Variants in KCNN3 observed in about 807,000 individuals in gnomAD.
The protein encoded by KCNN3 is small conductance calcium-activated potassium channel protein 3.
KCNN3 carries 16 observed loss-of-function variants against 62.9 expected under a neutral mutation model. The observed-to-expected ratio is 0.25, with a 90% CI of 0.17 to 0.39. The LOEUF (loss-of-function observed/expected upper bound fraction) is 0.39, where lower values mean the gene tolerates loss of function less well. Ranked by LOEUF, KCNN3 falls within the 10% of genes least tolerant of loss-of-function variation. KCNN3 has a pLI of 1.00. For missense variants in KCNN3, 599 were observed against 949.4 expected, an observed-to-expected ratio of 0.63 and a Z score of 4.85; for synonymous variants, 370 against 389.2, an observed-to-expected ratio of 0.95 and a Z score of 0.58.
chr1:154,808,588 G>A (rs1458978553), intron 2 of KCNN3, among the ~76,000 whole-genome samples: 5 of 152,062 alleles, frequency 3.3e-5, no homozygotes, highest in South Asian at 4.2e-4. Context: ...CTGTCCCCAC[G>A]GTGCCTGGCT....
intron 2 of KCNN3, among the ~76,000 whole-genome samples, chr1:154,792,170 A>G (rs1649546504): frequency 6.6e-6 from 1 of 152,238 alleles, no homozygotes; most frequent in African/African-American, 2.4e-5. Context: ...GAGTGCCACG[A>G]TGCTGCTTTG....
chr1:154,865,707 G>T, intron 1 of KCNN3, among the ~76,000 whole-genome samples: 1 of 152,082 alleles, frequency 6.6e-6, no homozygotes, highest in Non-Finnish European at 1.5e-5. Flanking sequence ...TGCATGACAA[G>T]TTACTTCCCC....
chr1:154,859,607 G>T, intron 1 of KCNN3: 1 of 1,317,878 alleles, frequency 7.6e-7, no homozygotes, highest in Non-Finnish European at 1.1e-6. Context: ...GCCACTGACA[G>T]GTCAGCAAGG....
intron 3 of KCNN3, among the ~76,000 whole-genome samples, chr1:154,756,358 C>T (rs1647711348): frequency 6.6e-6 from 1 of 152,122 alleles, no homozygotes; most frequent in African/African-American, 2.4e-5. Context: ...GAAGAAACAA[C>T]AAGTAAATAA....
At position 154,811,167 on chromosome 1, in the gene KCNN3, C is replaced by A. The variant is rs115470763; in HGVS notation, c.1029+10922G>T. On this transcript the variant is annotated intron_variant, in intron 2 of 7. Transcript: ENST00000271915. The stretch of plus-strand genomic sequence containing the variant: ...CAATCGAAACTTGGAATCAGAACCC[C>A]GGCCCGTGACGTTAGGGCGATGGGA... Among the ~76,000 whole-genome samples the A allele has an allele frequency of 3.7e-3, 561 of 152,270 alleles. 3 individuals are homozygous for A. The highest frequency in any genetic ancestry group is 6.5e-3 in the Non-Finnish European group (443 of 68,024).
chr1:154,728,574 T>C (rs1435283733), intron 4 of KCNN3, among the ~76,000 whole-genome samples: 3 of 145,116 alleles, frequency 2.1e-5, no homozygotes, highest in African/African-American at 5.2e-5. Flanking sequence ...CTGTGCGGGG[T>C]GCGGGGCGGG....
At chr1:154,795,314 G>A (rs561762470) in intron 2 of KCNN3, among the ~76,000 whole-genome samples, 2 of 152,306 alleles carry the variant, frequency 1.3e-5, no homozygotes, top group South Asian at 2.1e-4. Context: ...TCACCCATTG[G>A]TAGGCTGACT....
At chr1:154,759,468 T>A (rs1383822542) in intron 3 of KCNN3, among the ~76,000 whole-genome samples, 1 of 152,220 alleles carries the variant, frequency 6.6e-6, no homozygotes, top group Non-Finnish European at 1.5e-5. Flanking sequence ...CTGACGTCAC[T>A]TACAGGAACC....
chr1:154,716,997 G>T (rs764831694), intron 5 of KCNN3, among the ~76,000 whole-genome samples: 2 of 152,238 alleles, frequency 1.3e-5, no homozygotes, highest in Admixed American at 6.5e-5. Context: ...AAACTGGAAA[G>T]TCTGCAGGTG....
chr1:154,772,013 C>T lies in KCNN3; in HGVS notation c.1410G>A (p.Leu470=), dbSNP rs746274298. 5 of 1,613,994 alleles carry T rather than the reference C, an allele frequency of 3.1e-6. No homozygotes were observed. The African/African-American group carries it at 4.0e-5, about 13-fold the overall frequency. ...GGACGGTCCAGGCAGCAATGATCCA[C>T]AGAGAGATGCTGAACACGAGCAGCA... is the stretch of plus-strand genomic sequence containing the variant. ...GTVLLVFSIS[L]WIIAAWTVRV... is the part of the protein sequence containing the mutation. The change falls in exon 3 of 8, where the codon CTG becomes CTA. Residue 470 remains leucine (L), a synonymous_variant. Transcript: ENST00000271915. This position sits in a 1 kb window ranked among gnomAD's most constrained non-coding sequence, Gnocchi z 5.6.
chr1:154,759,737 T>C (rs964763886), intron 3 of KCNN3, among the ~76,000 whole-genome samples: 3 of 152,136 alleles, frequency 2.0e-5, no homozygotes, highest in Admixed American at 2.0e-4. Flanking sequence ...GCAAAAATCC[T>C]GGAGACAAAA....
chr1:154,744,406 T>G (rs1700894435), intron 3 of KCNN3, among the ~76,000 whole-genome samples: 1 of 152,196 alleles, frequency 6.6e-6, no homozygotes, highest in Non-Finnish European at 1.5e-5. Context: ...AAACCTGTAT[T>G]TTTTCGGCTG....
rs185537227 is a variant in KCNN3, at chr1:154,784,024, T to A, written c.1030-11631A>T. On this transcript the variant is annotated intron_variant, in intron 2 of 7. Transcript: ENST00000271915. ...TCAGCAGAAAGAGTTTGGCATCAGA[T>A]GAGCTGTCAAGAGAGAAATGGAAGT... Among the ~76,000 whole-genome samples the A allele has an allele frequency of 2.6e-5, 4 of 152,224 alleles. No individual in the cohort carries two copies. The East Asian group carries it at 5.8e-4, about 22-fold the overall frequency.
At chr1:154,857,982 G>A (rs1652605651) in intron 1 of KCNN3, among the ~76,000 whole-genome samples, 1 of 152,098 alleles carries the variant, frequency 6.6e-6, no homozygotes, top group Non-Finnish European at 1.5e-5. Flanking sequence ...CTTTCTATAT[G>A]ATCCCGTCCA....
At chr1:154,820,855 C>A (rs1348722127) in intron 2 of KCNN3, among the ~76,000 whole-genome samples, 1 of 152,212 alleles carries the variant, frequency 6.6e-6, no homozygotes, top group Non-Finnish European at 1.5e-5. Context: ...GGCCTGGAGC[C>A]AAGGCTTCCA....
chr1:154,771,914 C>A (rs746176981), intron 3 of KCNN3, 61 bp downstream of exon 3: 3 of 1,550,558 alleles, frequency 1.9e-6, no homozygotes, highest in Admixed American at 1.7e-5. Flanking sequence ...GGCACCCCTA[C>A]TCCTCCTCCC....
At chr1:154,726,857 C>CG (rs1291281583) in intron 4 of KCNN3, among the ~76,000 whole-genome samples, 1 of 152,030 alleles carries the variant, frequency 6.6e-6, no homozygotes, top group Non-Finnish European at 1.5e-5. Context: ...CAGGGGAGCC[C>CG]GGGGGAGGGT....
intron 3 of KCNN3, among the ~76,000 whole-genome samples, chr1:154,735,043 G>A (rs1451139412): frequency 6.6e-6 from 1 of 152,232 alleles, no homozygotes; most frequent in Non-Finnish European, 1.5e-5. Flanking sequence ...AATTCTGGGA[G>A]AAGAAGCTTG....
chr1:154,823,342 G>A (rs534418477), intron 1 of KCNN3, among the ~76,000 whole-genome samples: 1 of 152,312 alleles, frequency 6.6e-6, no homozygotes, highest in South Asian at 2.1e-4. Context: ...GTCCTGAGTG[G>A]TGCACGCCAC....
Sources: gnomAD v4.1 joint callset for allele counts (sites outside exome capture counted in the v4.1 genomes callset) on GRCh38, gnomAD v4.1.1 for gene constraint, Gnocchi (gnomAD v3.1) non-coding constraint, MANE v1.5 for transcripts, NCBI Gene and HGNC (gene_info 2026-07-23, HGNC 2026-07-21) for gene names.